EPB41L4A: variants seen among roughly 807,000 people sequenced by gnomAD.
EPB41L4A encodes band 4.1-like protein 4A.
EPB41L4A carries 100 observed loss-of-function variants against 108.6 expected under a neutral mutation model. That is an observed-to-expected ratio of 0.92 (90% CI 0.78 to 1.09). EPB41L4A has a LOEUF of 1.09. EPB41L4A is among the 50% of genes least tolerant of loss of function. The pLI is 0.00. For missense variants in EPB41L4A, 1,030 were observed against 842.7 expected (o/e 1.22, Z -2.75); for synonymous variants, 319 against 289.0 (o/e 1.10, Z -1.05).
chr5:112,217,236 A>T (rs112132504), intron 12 of EPB41L4A, among the ~76,000 whole-genome samples: 5 of 152,258 alleles, frequency 3.3e-5, no homozygotes, highest in African/African-American at 1.2e-4. Context: ...GAGCCACCGC[A>T]TCCAGCTGGA....
At chr5:112,212,965 C>G (rs1269383263) in intron 12 of EPB41L4A, among the ~76,000 whole-genome samples, 1 of 152,062 alleles carries the variant, frequency 6.6e-6, no homozygotes, top group Admixed American at 6.5e-5. Flanking sequence ...CAAAAATTAA[C>G]AGAGAAAAAC....
rs1762386373 is a variant in EPB41L4A at position 112,204,676 on chromosome 5, A to G, written c.1263-188T>C. Reference sequence around the variant, plus strand: ...GTAAGATCTGGCAAATCAAATCATAAAGGTCATTATTTTGCAGGAATGCCA... The same window carrying G: ...GTAAGATCTGGCAAATCAAATCATAGAGGTCATTATTTTGCAGGAATGCCA... On this transcript the variant is annotated intron_variant, in intron 14 of 22. Transcript: ENST00000261486. The G allele has an allele frequency of 6.6e-6, 3 of 454,250 alleles. No individual in the cohort carries two copies. In the East Asian group the frequency reaches 9.8e-5, roughly 15 times the overall value. 28.1% of individuals were successfully genotyped at this position (454,250 alleles called of 1,614,324 possible).
At chr5:112,371,519 A>G (rs1759495660) in intron 1 of EPB41L4A, among the ~76,000 whole-genome samples, 1 of 152,174 alleles carries the variant, frequency 6.6e-6, no homozygotes, top group Non-Finnish European at 1.5e-5. Context: ...GCCTTGAGCC[A>G]CATCTGGCTG....
intron 9 of EPB41L4A, among the ~76,000 whole-genome samples, chr5:112,246,287 G>A (rs1750216723): frequency 6.6e-6 from 1 of 152,068 alleles, no homozygotes; most frequent in African/African-American, 2.4e-5. Flanking sequence ...ATTATAAAAC[G>A]TATTTTAACT....
intron 17 of EPB41L4A, among the ~76,000 whole-genome samples, chr5:112,190,951 A>G (rs989082341): frequency 3.3e-5 from 5 of 152,188 alleles, no homozygotes; most frequent in African/African-American, 1.2e-4. Context: ...ATATGATATA[A>G]AAAGTGAAAA....
chr5:112,349,027 C>T (rs1017375435), intron 1 of EPB41L4A, among the ~76,000 whole-genome samples: 3 of 152,090 alleles, frequency 2.0e-5, no homozygotes, highest in Admixed American at 1.3e-4. Context: ...GTCATGGACC[C>T]AACAGAGAGG....
intron 8 of EPB41L4A, 68 bp downstream of exon 8, chr5:112,259,821 CTT>C: frequency 8.9e-7 from 1 of 1,117,748 alleles, no homozygotes; most frequent in Non-Finnish European, 1.4e-6. Context: ...TTCCCCAACT[CTT>C]TCACTGACAC....
At chr5:112,256,214 T>G (rs1387799887) in intron 9 of EPB41L4A, among the ~76,000 whole-genome samples, 1 of 152,160 alleles carries the variant, frequency 6.6e-6, no homozygotes, top group African/African-American at 2.4e-5. Flanking sequence ...TTTAAAAAAT[T>G]TCAGCACCTA....
intron 2 of EPB41L4A, among the ~76,000 whole-genome samples, chr5:112,306,920 C>G (rs182680958): frequency 6.6e-5 from 10 of 152,122 alleles, no homozygotes; most frequent in Non-Finnish European, 1.0e-4. Flanking sequence ...AAAACCTCTA[C>G]TTATTTTATT....
At chr5:112,416,981 T>C (rs748429667) in intron 1 of EPB41L4A, among the ~76,000 whole-genome samples, 11 of 152,238 alleles carry the variant, frequency 7.2e-5, no homozygotes, top group Non-Finnish European at 1.5e-4. Context: ...GTTACACACA[T>C]GGCCATCAAA....
exon 14 of EPB41L4A, chr5:112,142,692 T>A (rs1387327776): frequency 2.0e-5 from 3 of 152,238 alleles, no homozygotes; most frequent in African/African-American, 7.2e-5. Flanking sequence ...AGATTTTCGG[T>A]CAGAAGATTA....
chr5:112,221,349 C>T (rs538014896), intron 12 of EPB41L4A, among the ~76,000 whole-genome samples: 4 of 152,296 alleles, frequency 2.6e-5, no homozygotes, highest in African/African-American at 9.6e-5. Flanking sequence ...TCTAGTCTTG[C>T]AAAGCAGCTG....
intron 1 of EPB41L4A, among the ~76,000 whole-genome samples, chr5:112,396,737 C>CAGACAGACAG (rs746825245): frequency 2.6e-5 from 4 of 152,126 alleles, no homozygotes; most frequent in Non-Finnish European, 5.9e-5. Flanking sequence ...GAGAGAGAAA[C>CAGACAGACAG]AGACAGACAG....
chr5:112,347,631 C>G (rs544957591), intron 1 of EPB41L4A, among the ~76,000 whole-genome samples: 1 of 152,312 alleles, frequency 6.6e-6, no homozygotes, highest in South Asian at 2.1e-4. Flanking sequence ...TAACAGAATT[C>G]TCTTCTTCCT....
intron 18 of EPB41L4A, among the ~76,000 whole-genome samples, chr5:112,180,415 G>A (rs1344713906): frequency 6.6e-6 from 1 of 152,116 alleles, no homozygotes; most frequent in Non-Finnish European, 1.5e-5. Flanking sequence ...TGGCCCACAT[G>A]TGAGCAGTCA....
At chr5:112,214,918 T>C (rs1747508179) in intron 12 of EPB41L4A, among the ~76,000 whole-genome samples, 1 of 152,204 alleles carries the variant, frequency 6.6e-6, no homozygotes, top group Non-Finnish European at 1.5e-5. Flanking sequence ...TGTGTTTCAT[T>C]TCATAAAATA....
chr5:112,361,909 T>G (rs1013927343), intron 1 of EPB41L4A, among the ~76,000 whole-genome samples: 2 of 151,998 alleles, frequency 1.3e-5, no homozygotes, highest in Non-Finnish European at 2.9e-5. Flanking sequence ...TTAAAAGTAA[T>G]TATCAGAGAA....
chr5:112,418,276 T>C (rs1762833211), intron 1 of EPB41L4A, among the ~76,000 whole-genome samples: 1 of 152,354 alleles, frequency 6.6e-6, no homozygotes, highest in South Asian at 2.1e-4. Flanking sequence ...AGAGGATCTC[T>C]GCGAGCTCTG....
At chr5:112,172,691 C>G (rs991606724) in intron 18 of EPB41L4A, among the ~76,000 whole-genome samples, 3 of 152,068 alleles carry the variant, frequency 2.0e-5, no homozygotes, top group African/African-American at 7.2e-5. Flanking sequence ...AGGTGTTATT[C>G]CATTCTGACA....
Sources: allele counts gnomAD v4.1 joint callset (sites outside exome capture counted in the v4.1 genomes callset), GRCh38; gene constraint gnomAD v4.1.1; transcripts MANE v1.5; gene names NCBI Gene and HGNC (gene_info 2026-07-23, HGNC 2026-07-21).